The following ADCY8 variants were observed in gnomAD, a reference collection of about 807,000 sequenced individuals.
The protein encoded by ADCY8 is adenylate cyclase 8, also known as adenylate cyclase type 8.
In ADCY8, 51 loss-of-function variants were observed where a neutral mutation model predicts 119.7. That is an observed-to-expected ratio of 0.43 (90% CI 0.34 to 0.54). The LOEUF (loss-of-function observed/expected upper bound fraction) is 0.54. ADCY8 is among the 20% of genes least tolerant of loss of function. The probability of loss-of-function intolerance (pLI) is 0.03; values close to 1 mark genes in which losing one functional copy is unlikely to be tolerated. For missense variants in ADCY8, 1,383 were observed against 1,598.8 expected (o/e 0.87, Z 2.30); for synonymous variants, 665 against 651.0 (o/e 1.02, Z -0.33).
At chr8:130,818,746 G>T (rs942922803) in intron 13 of ADCY8, among the ~76,000 whole-genome samples, 1 of 152,204 alleles carries the variant, frequency 6.6e-6, no homozygotes, top group Non-Finnish European at 1.5e-5. Flanking sequence ...AAACGATGCT[G>T]CAGATAGAAG....
Position 130,937,211 on chromosome 8 carries a change from C to T in ADCY8, c.1354-11G>A, listed in dbSNP as rs1374395608. The T allele has an allele frequency of 8.7e-6, 14 of 1,611,998 alleles. No homozygotes were observed. The highest frequency in any genetic ancestry group is 1.2e-5 in the Non-Finnish European group (14 of 1,178,984). On this transcript the variant is annotated splice_polypyrimidine_tract_variant and intron_variant, in intron 4 of 17. Coordinates refer to ENST00000286355, the MANE Select transcript of ADCY8 (RefSeq NM_001115.3). ...AAGGCAGTGATGCTCCTGGAAGGAA[C>T]AGGATAAGAGGGAAAGGTCTATGTC...
chr8:130,803,930 C>T (rs1274169744), intron 14 of ADCY8, among the ~76,000 whole-genome samples: 15 of 152,210 alleles, frequency 9.9e-5, no homozygotes, highest in Admixed American at 9.2e-4. Context: ...TGATGACTGG[C>T]TAGGTAGGGC....
intron 4 of ADCY8, among the ~76,000 whole-genome samples, chr8:130,941,154 AT>A (rs1820943953): frequency 6.6e-6 from 1 of 152,230 alleles, no homozygotes; most frequent in Non-Finnish European, 1.5e-5. Flanking sequence ...TAGTACGTGA[AT>A]ATATTGTCCT....
At chr8:130,868,188 C>G (rs1818195438) in intron 8 of ADCY8, among the ~76,000 whole-genome samples, 1 of 152,166 alleles carries the variant, frequency 6.6e-6, no homozygotes, top group African/African-American at 2.4e-5. Flanking sequence ...TCCCCTCCCT[C>G]TGAACTAACA....
At chr8:130,919,257 G>A (rs1194343745) in intron 5 of ADCY8, among the ~76,000 whole-genome samples, 2 of 152,016 alleles carry the variant, frequency 1.3e-5, no homozygotes, top group Admixed American at 1.3e-4. Flanking sequence ...GAGAGTGTGG[G>A]GAGTCCTGGC....
chr8:131,003,555 T>A (rs1022640041), intron 1 of ADCY8, among the ~76,000 whole-genome samples: 1 of 152,164 alleles, frequency 6.6e-6, no homozygotes, highest in African/African-American at 2.4e-5. Flanking sequence ...GGAACGTCTG[T>A]TTACACACTC....
intron 7 of ADCY8, among the ~76,000 whole-genome samples, chr8:130,902,746 A>G (rs967833776): frequency 5.3e-5 from 8 of 152,082 alleles, no homozygotes; most frequent in Admixed American, 3.9e-4. Context: ...ATTAACCCTT[A>G]TATGTCTTCA....
At chr8:130,793,091 C>T (rs10956552) in intron 15 of ADCY8, among the ~76,000 whole-genome samples, 93,821 of 151,962 alleles carry the variant, frequency 0.62, 30,012 homozygotes, top group African/African-American at 0.75. Flanking sequence ...AGTCAGGTTC[C>T]ATCACCTGAC....
At chr8:130,812,855 A>C (rs980146731) in intron 14 of ADCY8, among the ~76,000 whole-genome samples, 1 of 152,152 alleles carries the variant, frequency 6.6e-6, no homozygotes, top group Non-Finnish European at 1.5e-5. Context: ...TATCACACAT[A>C]TATGCATACA....
chr8:130,829,584 A>G (rs971167682), intron 12 of ADCY8, among the ~76,000 whole-genome samples: 2 of 152,230 alleles, frequency 1.3e-5, no homozygotes, highest in African/African-American at 2.4e-5. Flanking sequence ...AACATGTTGT[A>G]GATGGTTCAT....
In ADCY8 at chr8:130,909,735, T is replaced by C. The variant is rs1412734277; in HGVS notation, c.1613A>G (p.Asn538Ser). Reference sequence around the variant, plus strand: ...AGGGATTCCTCCAGATTCGAGTTTGTTTGCAATATCCACATCCCAAGACCA... The same window carrying C: ...AGGGATTCCTCCAGATTCGAGTTTGCTTGCAATATCCACATCCCAAGACCA... ...DVWSWDVDIANKLESGGIPGR... is the reference protein window; with the variant it reads ...DVWSWDVDIASKLESGGIPGR... Residue 538 changes from asparagine to serine, a missense_variant, in exon 6 of 18, where the codon AAC (asparagine) becomes AGC (serine). By Grantham distance (46) the Asn-to-Ser change is conservative. Transcript: ENST00000286355. The C allele has an allele frequency of 6.2e-7, 1 of 1,614,154 alleles. No homozygotes were observed. Among genetic ancestry groups the C allele is most frequent in the Non-Finnish European group, 8.5e-7 (1 of 1,180,020 alleles).
intron 5 of ADCY8, among the ~76,000 whole-genome samples, chr8:130,919,170 A>T (rs1820223544): frequency 6.6e-6 from 1 of 152,210 alleles, no homozygotes; most frequent in Admixed American, 6.5e-5. Flanking sequence ...TGGGAGAGTC[A>T]TTTAACCCGA....
intron 1 of ADCY8, among the ~76,000 whole-genome samples, chr8:131,010,466 C>G (rs1261613557): frequency 1.3e-5 from 2 of 151,992 alleles, no homozygotes; most frequent in African/African-American, 4.8e-5. Context: ...ATGTTCACAT[C>G]TGTGTCTTTA....
chr8:131,004,064 C>A (rs1823038201), intron 1 of ADCY8, among the ~76,000 whole-genome samples: 2 of 152,130 alleles, frequency 1.3e-5, no homozygotes. Context: ...AAAAGGTTTC[C>A]TTTTGGTCTT....
At chr8:130,974,001 G>C (rs945403222) in intron 2 of ADCY8, among the ~76,000 whole-genome samples, 3 of 152,166 alleles carry the variant, frequency 2.0e-5, no homozygotes, top group Non-Finnish European at 4.4e-5. Context: ...TTGAAAACTT[G>C]GTAAGCTTGA....
At chr8:130,887,794 CA>C (rs1221902263) in intron 7 of ADCY8, among the ~76,000 whole-genome samples, 1 of 152,100 alleles carries the variant, frequency 6.6e-6, no homozygotes, top group Admixed American at 6.6e-5. Context: ...TCTCATTAGT[CA>C]TTAGTAATGA....
intron 12 of ADCY8, among the ~76,000 whole-genome samples, chr8:130,831,121 G>A (rs10108845): frequency 0.036 from 5,483 of 152,250 alleles, 321 homozygotes; most frequent in African/African-American, 0.12. Flanking sequence ...AGGTTGAGGA[G>A]CACATATTAT....
Position 131,029,233 on chromosome 8 carries a change from G to C in ADCY8, c.960+10141C>G, listed in dbSNP as rs1004634252. On this transcript the variant is annotated intron_variant, in intron 1 of 17. Coordinates refer to ENST00000286355, the MANE Select transcript of ADCY8 (RefSeq NM_001115.3). ...CTGTCACTGTCTCCCATCATCCCCA[G>C]ATGGGACCATCTAGCTGCAGGAAAA... 3.9e-5 allele frequency among the ~76,000 whole-genome samples: 6 copies of C among 152,218 alleles called. No homozygotes were observed. In the East Asian group the frequency reaches 1.2e-3, roughly 29 times the overall value.
At chr8:130,909,235 T>C (rs1362910657) in intron 6 of ADCY8, among the ~76,000 whole-genome samples, 1 of 152,224 alleles carries the variant, frequency 6.6e-6, no homozygotes, top group Non-Finnish European at 1.5e-5. Context: ...TCAACCAACC[T>C]TGACAGCCAA....
Sources: allele counts gnomAD v4.1 joint callset (sites outside exome capture counted in the v4.1 genomes callset), GRCh38; gene constraint gnomAD v4.1.1; transcripts MANE v1.5; gene names NCBI Gene and HGNC (gene_info 2026-07-23, HGNC 2026-07-21).